The following ME1 variants were observed in gnomAD, a reference collection of about 807,000 sequenced individuals.
ME1 encodes NADP-dependent malic enzyme.
Under a neutral mutation model 66.4 loss-of-function variants are expected in ME1, and 74 were observed. The ratio of observed to expected loss-of-function variants is 1.11; its 90% CI spans 0.92 to 1.35. The LOEUF is 1.35. ME1 is among the 40% of genes most tolerant of loss of function. The pLI is 0.00. For synonymous variants in ME1, 251 were observed against 235.6 expected (o/e 1.07, Z -0.60); for missense variants, 750 against 694.1 (o/e 1.08, Z -0.90).
intron 6 of ME1, among the ~76,000 whole-genome samples, chr6:83,310,628 A>T (rs533331999): frequency 1.5e-3 from 232 of 152,194 alleles, no homozygotes; most frequent in Non-Finnish European, 2.9e-3. Flanking sequence ...GTAGCAGTCC[A>T]ACTATTAAAA....
intron 6 of ME1, among the ~76,000 whole-genome samples, chr6:83,261,961 C>T (rs1766906859): frequency 6.7e-6 from 1 of 149,252 alleles, no homozygotes; most frequent in South Asian, 2.1e-4. Context: ...TTGCAGTGAG[C>T]CGTGATTGCA....
At chr6:83,221,626 G>C (rs186611700) in intron 12 of ME1, among the ~76,000 whole-genome samples, 49 of 152,242 alleles carry the variant, frequency 3.2e-4, no homozygotes, top group African/African-American at 1.2e-3. Flanking sequence ...GGGCATGTCT[G>C]TGGAATTACC....
intron 6 of ME1, among the ~76,000 whole-genome samples, chr6:83,294,730 A>G (rs549681250): frequency 1.4e-4 from 21 of 152,238 alleles, no homozygotes; most frequent in East Asian, 1.4e-3. Context: ...TACCCCAAGG[A>G]GGGGAGGCCA....
chr6:83,413,462 A>G (rs1470722858), intron 1 of ME1, among the ~76,000 whole-genome samples: 1 of 152,124 alleles, frequency 6.6e-6, no homozygotes, highest in Admixed American at 6.5e-5. Context: ...TGCAAATAAT[A>G]TAGTAGATCT....
intron 12 of ME1, among the ~76,000 whole-genome samples, chr6:83,220,672 C>G (rs1193469248): frequency 6.6e-6 from 1 of 152,120 alleles, no homozygotes. Flanking sequence ...ACAAGAAGTA[C>G]TTTTCTTCTT....
intron 12 of ME1, among the ~76,000 whole-genome samples, chr6:83,218,154 T>G (rs1044430389): frequency 1.1e-4 from 16 of 152,134 alleles, no homozygotes; most frequent in African/African-American, 3.1e-4. Flanking sequence ...ACGTTAACTA[T>G]TCCACACTAT....
chr6:83,409,031 C>A (rs913341715), intron 1 of ME1, among the ~76,000 whole-genome samples: 5 of 152,022 alleles, frequency 3.3e-5, no homozygotes, highest in African/African-American at 9.7e-5. Flanking sequence ...GATTATTACC[C>A]TTATAAAAGG....
intron 13 of ME1, among the ~76,000 whole-genome samples, chr6:83,214,620 T>C (rs1329501284): frequency 6.6e-6 from 1 of 152,162 alleles, no homozygotes; most frequent in Admixed American, 6.6e-5. Flanking sequence ...ATAAACTATA[T>C]TCTATTCTCA....
intron 6 of ME1, among the ~76,000 whole-genome samples, chr6:83,305,218 T>C (rs1767802520): frequency 1.3e-5 from 2 of 152,152 alleles, no homozygotes; most frequent in African/African-American, 4.8e-5. Flanking sequence ...CAAGCATTGA[T>C]ACAGGAAGGA....
chr6:83,343,220 T>G (rs1768622631), intron 5 of ME1, among the ~76,000 whole-genome samples: 1 of 152,194 alleles, frequency 6.6e-6, no homozygotes, highest in South Asian at 2.1e-4. Context: ...TTCTACTCTC[T>G]ACCTCCATGA....
intron 3 of ME1, among the ~76,000 whole-genome samples, chr6:83,371,703 C>T (rs1398610483): frequency 6.6e-6 from 1 of 152,174 alleles, no homozygotes; most frequent in Non-Finnish European, 1.5e-5. Context: ...TTCAATTCTA[C>T]TCTATAAACC....
intron 1 of ME1, among the ~76,000 whole-genome samples, chr6:83,419,371 C>T (rs1039610881): frequency 5.9e-5 from 9 of 152,150 alleles, no homozygotes; most frequent in African/African-American, 1.4e-4. Flanking sequence ...AATCTGTTTT[C>T]GGTGTCTCTA....
intron 6 of ME1, among the ~76,000 whole-genome samples, chr6:83,307,658 A>G (rs1054299289): frequency 6.6e-6 from 1 of 152,128 alleles, no homozygotes; most frequent in African/African-American, 2.4e-5. Context: ...AATGATTAGA[A>G]CAGGTAGAAA....
intron 1 of ME1, among the ~76,000 whole-genome samples, chr6:83,414,754 A>T (rs1269209495): frequency 1.3e-5 from 2 of 152,206 alleles, no homozygotes; most frequent in Non-Finnish European, 2.9e-5. Flanking sequence ...ATTGTTAGCC[A>T]ACAATGTCAA....
At chr6:83,360,933 T>C (rs1768996608) in intron 3 of ME1, among the ~76,000 whole-genome samples, 1 of 152,238 alleles carries the variant, frequency 6.6e-6, no homozygotes, top group Non-Finnish European at 1.5e-5. Context: ...TTTTTCTCCA[T>C]TGCTGTCCAT....
chr6:83,222,440 G>GA (rs967423832), intron 12 of ME1, among the ~76,000 whole-genome samples: 1 of 151,978 alleles, frequency 6.6e-6, no homozygotes, highest in African/African-American at 2.4e-5. Context: ...CTTCACAATG[G>GA]AAAAAATATT....
intron 3 of ME1, among the ~76,000 whole-genome samples, chr6:83,384,723 AG>A (rs1336910390): frequency 6.6e-6 from 1 of 151,834 alleles, no homozygotes; most frequent in East Asian, 1.9e-4. Context: ...GCCAATGTCC[AG>A]AATGGTATTT....
rs192599924 is a variant in ME1, at chr6:83,224,857, A to G, written c.1276-924T>C. Among the ~76,000 whole-genome samples, 168 of 152,120 alleles carry G rather than the reference A, an allele frequency of 1.1e-3. 2 individuals carry two copies. The East Asian group carries it at 0.024, about 22-fold the overall frequency. On this transcript the variant is annotated intron_variant, in intron 11 of 13. Coordinates refer to ENST00000369705, the MANE Select transcript of ME1 (RefSeq NM_002395.6). ...ATTGTCTTCATTTTGCCTAGTATTAATATTTTGTCATAATTGTTTTGAGGA... is the reference window on the plus strand; with the variant it reads ...ATTGTCTTCATTTTGCCTAGTATTAGTATTTTGTCATAATTGTTTTGAGGA...
At chr6:83,219,882 C>T (rs1790055444) in intron 12 of ME1, among the ~76,000 whole-genome samples, 1 of 151,846 alleles carries the variant, frequency 6.6e-6, no homozygotes, top group African/African-American at 2.4e-5. Context: ...GCCACTGCAT[C>T]TGGCCAGCTA....
Sources: gnomAD v4.1 joint callset for allele counts (sites outside exome capture counted in the v4.1 genomes callset) on GRCh38, gnomAD v4.1.1 for gene constraint, MANE v1.5 for transcripts, NCBI Gene and HGNC (gene_info 2026-07-23, HGNC 2026-07-21) for gene names.